The following HYDIN variants were observed in gnomAD, a reference collection of about 807,000 sequenced individuals.
HYDIN encodes axonemal central pair apparatus protein HYDIN.
Under a neutral mutation model 403.9 loss-of-function variants are expected in HYDIN, and 132 were observed. That is an observed-to-expected ratio of 0.33 (90% CI 0.28 to 0.38). The LOEUF is 0.38. Among genes scored for constraint, HYDIN ranks in the 10% least tolerant of loss-of-function variants. The pLI, the probability that HYDIN is intolerant of heterozygous loss-of-function variation, is 1.00. For missense variants in HYDIN, 2,827 were observed against 5,009.5 expected, an observed-to-expected ratio of 0.56 and a Z score of 13.15; for synonymous variants, 1,202 against 1,891.7, an observed-to-expected ratio of 0.64 and a Z score of 9.46.
At chr16:71,108,536 G>A (rs1597795743) in intron 10 of HYDIN, among the ~76,000 whole-genome samples, 3 of 152,088 alleles carry the variant, frequency 2.0e-5, no homozygotes, top group South Asian at 2.1e-4. Context: ...ACCGGTATGT[G>A]TATAAGTTTC....
chr16:71,045,092 T>C (rs1209238182), intron 18 of HYDIN, among the ~76,000 whole-genome samples: 48 of 152,192 alleles, frequency 3.2e-4, no homozygotes, highest in Admixed American at 3.1e-3. Flanking sequence ...TTTATCTCCC[T>C]AGCCTGACTT....
chr16:70,957,328 ATTT>A (rs567388952), intron 39 of HYDIN, among the ~76,000 whole-genome samples: 3 of 137,516 alleles, frequency 2.2e-5, no homozygotes, highest in Non-Finnish European at 1.6e-5. Flanking sequence ...TTTCCTTCCT[ATTT>A]TTTTTTTTTT....
intron 52 of HYDIN, among the ~76,000 whole-genome samples, chr16:70,901,871 A>C (rs2076389762): frequency 6.6e-6 from 1 of 152,106 alleles, no homozygotes; most frequent in Non-Finnish European, 1.5e-5. Context: ...GGCGTGAGCC[A>C]CTGCACCCGG....
chr16:70,890,983 T>C (rs1043183452), intron 57 of HYDIN, among the ~76,000 whole-genome samples: 1 of 150,502 alleles, frequency 6.6e-6, no homozygotes, highest in Non-Finnish European at 1.5e-5. Context: ...TTGTACAGAA[T>C]GACACATAGG....
chr16:71,027,141 C>T, intron 20 of HYDIN: 12 of 1,038,882 alleles, frequency 1.2e-5, no homozygotes, highest in Non-Finnish European at 1.3e-5. Flanking sequence ...TTTATTAATG[C>T]ATAAAAAGAA....
chr16:70,917,396 T>C (rs1361757026), intron 47 of HYDIN, among the ~76,000 whole-genome samples: 1 of 152,240 alleles, frequency 6.6e-6, no homozygotes, highest in Non-Finnish European at 1.5e-5. Context: ...CTATCCCCAA[T>C]TTACATGTAA....
At chr16:70,896,313 C>T (rs1016583588) in intron 53 of HYDIN, among the ~76,000 whole-genome samples, 13 of 151,594 alleles carry the variant, frequency 8.6e-5, no homozygotes, top group Admixed American at 3.3e-4. Context: ...TTTATTGTTG[C>T]TACATTACTG....
chr16:71,215,435 T>C (rs535694951), intron 1 of HYDIN, among the ~76,000 whole-genome samples: 2 of 152,190 alleles, frequency 1.3e-5, no homozygotes, highest in Admixed American at 6.5e-5. Context: ...TATTTGAAAA[T>C]CATCACACTG....
At chr16:71,195,881 C>T (rs2087675430) in intron 1 of HYDIN, among the ~76,000 whole-genome samples, 1 of 152,136 alleles carries the variant, frequency 6.6e-6, no homozygotes, top group Non-Finnish European at 1.5e-5. Flanking sequence ...TGAACTGCTT[C>T]TCCATGGGAA....
chr16:71,024,609 G>C (rs1597576862), intron 21 of HYDIN, among the ~76,000 whole-genome samples: 1 of 140,076 alleles, frequency 7.1e-6, no homozygotes, highest in Non-Finnish European at 1.5e-5. Flanking sequence ...CCCCAACTCA[G>C]AACAGACATT....
At chr16:70,808,194 G>C (rs11866379) in intron 85 of HYDIN, 132 bp from the exon 86 acceptor site, 109,159 of 1,063,172 alleles carry the variant, frequency 0.1, 6,093 homozygotes, top group African/African-American at 0.2. Context: ...ATGTTATAAA[G>C]TTGTGTCCTT....
chr16:70,819,059 C>T lies in HYDIN; in HGVS notation c.14428-487G>A, dbSNP rs548703527. ...CTCACAAGTAAGCTGGGATTACAGG[C>T]GCCTGCCACCATGCCTGGCTAATTT... On this transcript the variant is annotated intron_variant, in intron 83 of 85. Coordinates refer to ENST00000393567, the MANE Select transcript of HYDIN (RefSeq NM_001270974.2). Among the ~76,000 whole-genome samples, 99 of 150,444 alleles carry T rather than the reference C, an allele frequency of 6.6e-4. 1 individual carries two copies. The highest frequency in any genetic ancestry group is 2.3e-3 in the African/African-American group (91 of 40,052).
At chr16:70,837,463 A>G (rs1470129055) in intron 77 of HYDIN, among the ~76,000 whole-genome samples, 1 of 152,134 alleles carries the variant, frequency 6.6e-6, no homozygotes, top group Admixed American at 6.5e-5. Flanking sequence ...TGATACAGTA[A>G]AGTTTGGTAT....
intron 62 of HYDIN, among the ~76,000 whole-genome samples, chr16:70,877,873 A>G (rs924960956): frequency 6.6e-6 from 1 of 152,140 alleles, no homozygotes; most frequent in African/African-American, 2.4e-5. Flanking sequence ...TTGCTGAAAG[A>G]AAACAACTGC....
Position 70,868,781 on chromosome 16 carries a change from T to C in HYDIN, c.11099A>G (p.His3700Arg), listed in dbSNP as rs2039932830. Residue 3700 changes from histidine (H) to arginine (R), a missense_variant, in exon 66 of 86, where the codon CAC becomes CGC. Transcript: ENST00000393567. ...GTCCTTGGCACACCCAGGGTGGAGG[T>C]GGCCCATCTAGGAAAGAGCCTGGTA... ...ATIAFSPQMG[H>R]LHPGCAKDIV... 1 of 1,613,622 alleles carries C rather than the reference T, an allele frequency of 6.2e-7. No individual in the cohort carries two copies. Among genetic ancestry groups the C allele is most frequent in the Non-Finnish European group, 8.5e-7 (1 of 1,179,904 alleles).
At chr16:70,996,054 TA>T (rs1430364078) in intron 23 of HYDIN, among the ~76,000 whole-genome samples, 2 of 149,740 alleles carry the variant, frequency 1.3e-5, no homozygotes, top group South Asian at 2.2e-4. Context: ...GAGTGACTGA[TA>T]GGGGTGGCAG....
chr16:71,219,646 AATCAG>A lies in HYDIN; in HGVS notation c.-24+10911_-24+10915del, dbSNP rs146386770. Among the ~76,000 whole-genome samples the A allele has an allele frequency of 8.5e-3, 1,290 of 152,340 alleles. 18 individuals carry two copies. Among genetic ancestry groups the A allele is most frequent in the African/African-American group, 0.029 (1,226 of 41,570 alleles). On this transcript the variant is annotated intron_variant, in intron 1 of 85. Transcript: ENST00000393567. Reference sequence around the variant, plus strand: ...AGGGATAAATATGACCCTTTAAAAAAATCAGATAACTAAAACACTTTGAATCCAAA... The same window carrying A: ...AGGGATAAATATGACCCTTTAAAAAAATAACTAAAACACTTTGAATCCAAA...
intron 1 of HYDIN, among the ~76,000 whole-genome samples, chr16:71,188,142 T>G (rs1300199547): frequency 1.3e-5 from 2 of 152,168 alleles, no homozygotes; most frequent in Non-Finnish European, 2.9e-5. Context: ...TTTTAAATAC[T>G]TCTTCCCAAG....
intron 75 of HYDIN, among the ~76,000 whole-genome samples, chr16:70,840,749 CAGACATAGGA>C (rs2037761926): frequency 6.6e-6 from 1 of 152,028 alleles, no homozygotes; most frequent in South Asian, 2.1e-4. Context: ...CTCTGGAATG[CAGACATAGGA>C]TGTCAGGTAG....
Sources: allele counts gnomAD v4.1 joint callset (sites outside exome capture counted in the v4.1 genomes callset), GRCh38; gene constraint gnomAD v4.1.1; transcripts MANE v1.5; gene names NCBI Gene and HGNC (gene_info 2026-07-23, HGNC 2026-07-21).